IFT140: variants seen among roughly 807,000 people sequenced by gnomAD.
The protein encoded by IFT140 is intraflagellar transport protein 140 homolog.
A neutral mutation model predicts 164.6 loss-of-function variants in IFT140; 133 were observed. That is an observed-to-expected ratio of 0.81 (90% CI 0.70 to 0.93). IFT140 has a LOEUF of 0.93. IFT140 is among the 40% of genes least tolerant of loss of function. The pLI, the probability that IFT140 is intolerant of heterozygous loss-of-function variation, is 0.00. For missense variants in IFT140, 2,045 were observed against 1,972.3 expected (o/e 1.04, Z -0.70); for synonymous variants, 860 against 817.3 (o/e 1.05, Z -0.89).
chr16:1,585,409 T>C (rs1315316670), intron 10 of IFT140, among the ~76,000 whole-genome samples: 1 of 152,182 alleles, frequency 6.6e-6, no homozygotes, highest in African/African-American at 2.4e-5. Context: ...TGCCAAGGGC[T>C]GGAGAGGGGA....
At chr16:1,540,884 C>T (rs1366130231) in intron 19 of IFT140, 6 of 985,432 alleles carry the variant, frequency 6.1e-6, no homozygotes, top group Non-Finnish European at 7.2e-6. Flanking sequence ...TGTTGCTTCA[C>T]ATGCAGTCCC....
intron 4 of IFT140, among the ~76,000 whole-genome samples, chr16:1,593,906 G>A (rs1260056017): frequency 1.3e-5 from 2 of 152,162 alleles, no homozygotes; most frequent in African/African-American, 4.8e-5. Flanking sequence ...AGGAGTGGGA[G>A]ATACACCCTA....
chr16:1,526,398 A>C, intron 20 of IFT140: 1 of 567,630 alleles, frequency 1.8e-6, no homozygotes, highest in Non-Finnish European at 3.0e-6. Flanking sequence ...CCAGGCCCAC[A>C]CACCTGACAG....
At chr16:1,575,778 T>C (rs1399957770) in intron 13 of IFT140, among the ~76,000 whole-genome samples, 1 of 149,344 alleles carries the variant, frequency 6.7e-6, no homozygotes, top group African/African-American at 2.5e-5. Context: ...CCACTGACCC[T>C]CTCCTAGCAG....
chr16:1,559,528 C>T (rs1167826671), intron 18 of IFT140, among the ~76,000 whole-genome samples: 2 of 152,184 alleles, frequency 1.3e-5, no homozygotes, highest in Admixed American at 6.5e-5. Flanking sequence ...AGACAAAAGA[C>T]GTCATGGCTA....
intron 19 of IFT140, among the ~76,000 whole-genome samples, chr16:1,527,801 G>GAGCTCAAGTGATCC (rs2029885001): frequency 6.6e-6 from 1 of 152,178 alleles, no homozygotes; most frequent in Non-Finnish European, 1.5e-5. Flanking sequence ...TCGAACTTCT[G>GAGCTCAAGTGATCC]AGCTCAAGTG....
chr16:1,555,692 G>A (rs1436247426), intron 19 of IFT140: 2 of 152,370 alleles, frequency 1.3e-5, no homozygotes, highest in Admixed American at 6.5e-5. Context: ...CAGAGACCCC[G>A]TAGGCATACA....
intron 14 of IFT140, among the ~76,000 whole-genome samples, chr16:1,569,532 CTCTTTT>C (rs1177085177): frequency 7.3e-6 from 1 of 137,052 alleles, no homozygotes; most frequent in Non-Finnish European, 1.5e-5. Context: ...CTTTCTTTCT[CTCTTTT>C]TGTCTTTTCC....
intron 19 of IFT140, among the ~76,000 whole-genome samples, chr16:1,550,738 G>A (rs867265072): frequency 1.4e-4 from 22 of 152,354 alleles, no homozygotes; most frequent in Middle Eastern, 3.4e-3. Flanking sequence ...TCCACATAGG[G>A]CAAGGCCCTG....
chr16:1,602,567 C>T lies in IFT140; in HGVS notation c.172G>A (p.Val58Ile), dbSNP rs779834991. Residue 58 changes from valine (V) to isoleucine (I), a missense_variant, in exon 4 of 31, where the codon GTC becomes ATC. Physicochemically the swap from Val to Ile is conservative, Grantham distance 29. Transcript: ENST00000426508. ...GAAGCAACCCGGAACGGCCTCTCGA[C>T]GTGTGTATCTGGCACGCACTCCCCC... ...EQGECVPDTH[V>I]ERPFRVASLC... is the part of the protein sequence containing the mutation. 1.3e-5 allele frequency: 21 copies of T among 1,613,070 alleles called. No homozygotes were observed. The highest frequency in any genetic ancestry group is 1.7e-4 in the Middle Eastern group (1 of 5,812).
At chr16:1,524,447 C>A in intron 24 of IFT140, 105 bp downstream of exon 24, 2 of 1,455,588 alleles carry the variant, frequency 1.4e-6, no homozygotes, top group Non-Finnish European at 1.9e-6. Flanking sequence ...AGACACTGGC[C>A]GGACCACGTG....
intron 13 of IFT140, among the ~76,000 whole-genome samples, chr16:1,572,121 T>C (rs1434278400): frequency 6.6e-6 from 1 of 152,126 alleles, no homozygotes; most frequent in Non-Finnish European, 1.5e-5. Flanking sequence ...CACCCACTCT[T>C]TCTAAGTGTG....
chr16:1,595,853 G>A (rs1358529477), intron 4 of IFT140, among the ~76,000 whole-genome samples: 1 of 152,134 alleles, frequency 6.6e-6, no homozygotes, highest in Non-Finnish European at 1.5e-5. Context: ...AGGAGTTCGA[G>A]GCCAGCCTGG....
At chr16:1,554,583 G>C (rs2032938453) in intron 19 of IFT140, among the ~76,000 whole-genome samples, 1 of 152,216 alleles carries the variant, frequency 6.6e-6, no homozygotes, top group Admixed American at 6.5e-5. Flanking sequence ...CTCAACACCA[G>C]GGCAGCCGCC....
Position 1,558,047 on chromosome 16 carries a change from CAA to C in IFT140, c.2285_2286del (p.Phe762CysfsTer39). Reference protein sequence around the residue: ...QMVSRRPLRDFVGLEDCDKAT... With the variant: ...QMVSRRPLRDXVGLEDCDKAT... Reference sequence around the variant, plus strand: ...GCCTTGTCGCAGTCCTCCAGCCCCACAAAGTCTCGCAGGGGTCTCCTGGACAC... The same window carrying C: ...GCCTTGTCGCAGTCCTCCAGCCCCACAGTCTCGCAGGGGTCTCCTGGACAC... On this transcript the variant is annotated frameshift_variant, in exon 19 of 31. Coordinates refer to ENST00000426508, the MANE Select transcript of IFT140 (RefSeq NM_014714.4). LOFTEE classifies it high-confidence loss of function. The C allele has an allele frequency of 6.2e-7, 1 of 1,614,084 alleles. No individual in the cohort carries two copies. The highest frequency in any genetic ancestry group is 8.5e-7 in the Non-Finnish European group (1 of 1,180,034).
chr16:1,527,990 A>G (rs534468353), intron 19 of IFT140, among the ~76,000 whole-genome samples: 1 of 152,320 alleles, frequency 6.6e-6, no homozygotes, highest in East Asian at 1.9e-4. Context: ...GGCTGCTGAC[A>G]GCCACTCTAG....
At position 1,564,495 on chromosome 16, in the gene IFT140, G is replaced by A. The variant is rs551517501; in HGVS notation, c.1902-333C>T. Among the ~76,000 whole-genome samples, 17 of 152,284 alleles carry A rather than the reference G, an allele frequency of 1.1e-4. No individual in the cohort carries two copies. In the South Asian group the frequency reaches 2.7e-3, roughly 24 times the overall value. Reference sequence around the variant, plus strand: ...TTTCCAGGACCAGCAGGCCAACCTCGAGGTGGGATGGCACCCCCTGCTGGG... The same window carrying A: ...TTTCCAGGACCAGCAGGCCAACCTCAAGGTGGGATGGCACCCCCTGCTGGG... On this transcript the variant is annotated intron_variant, in intron 16 of 30. Coordinates refer to ENST00000426508, the MANE Select transcript of IFT140 (RefSeq NM_014714.4). This position sits in a 1 kb window ranked among gnomAD's most constrained non-coding sequence, Gnocchi z 5.5.
In IFT140 at chr16:1,551,428, A is replaced by G. The variant is rs1384497241; in HGVS notation, c.2399+6507T>C. On this transcript the variant is annotated intron_variant, in intron 19 of 30. Coordinates refer to ENST00000426508, the MANE Select transcript of IFT140 (RefSeq NM_014714.4). This position sits in a 1 kb window ranked among gnomAD's most constrained non-coding sequence, Gnocchi z 4.0. ...TGGACCCAGTGACTGAGAGGGGTGG[A>G]AAGGGCCACTGGGCCCCAGGGTGGC... Among the ~76,000 whole-genome samples the G allele has an allele frequency of 6.6e-5, 10 of 152,128 alleles. No homozygotes were observed. Among genetic ancestry groups the G allele is most frequent in the Non-Finnish European group, 1.5e-5 (1 of 68,000 alleles).
In IFT140 at chr16:1,551,835, G is replaced by C. The variant is rs1355659994; in HGVS notation, c.2399+6100C>G. ...CCACCCGGGCTGGTTGCCCTGTGTT[G>C]CCTTAGAGTTTTCTTCCCGAGGTTT... On this transcript the variant is annotated intron_variant, in intron 19 of 30. Coordinates refer to ENST00000426508, the MANE Select transcript of IFT140 (RefSeq NM_014714.4). This position sits in a 1 kb window ranked among gnomAD's most constrained non-coding sequence, Gnocchi z 4.0. Among the ~76,000 whole-genome samples, 1 of 152,152 alleles carries C rather than the reference G, an allele frequency of 6.6e-6. No individual in the cohort carries two copies.
Sources: gnomAD v4.1 joint callset for allele counts (sites outside exome capture counted in the v4.1 genomes callset) on GRCh38, gnomAD v4.1.1 for gene constraint, Gnocchi (gnomAD v3.1) non-coding constraint, MANE v1.5 for transcripts, NCBI Gene and HGNC (gene_info 2026-07-23, HGNC 2026-07-21) for gene names.